PDE4B: variants seen among roughly 807,000 people sequenced by gnomAD.
The protein encoded by PDE4B is phosphodiesterase 4B.
In PDE4B, 20 loss-of-function variants were observed where a neutral mutation model predicts 82.2. The ratio of observed to expected loss-of-function variants is 0.24; its 90% CI spans 0.17 to 0.35. PDE4B has a LOEUF of 0.35. Among genes scored for constraint, PDE4B ranks in the 10% least tolerant of loss-of-function variants. PDE4B has a pLI of 1.00. For missense variants in PDE4B, 655 were observed against 907.2 expected (o/e 0.72, Z 3.57); for synonymous variants, 320 against 318.9 (o/e 1.00, Z -0.04).
chr1:66,088,766 C>G (rs1169617423), intron 3 of PDE4B, among the ~76,000 whole-genome samples: 2 of 152,092 alleles, frequency 1.3e-5, no homozygotes, highest in African/African-American at 4.8e-5. Context: ...TTATATCCCT[C>G]CTCTTCCCCC....
In PDE4B at chr1:66,076,308, T is replaced by C. The variant is rs551176373; in HGVS notation, c.281+157473T>C. Among the ~76,000 whole-genome samples the C allele has an allele frequency of 3.3e-5, 5 of 152,290 alleles. No homozygotes were observed. The East Asian group carries it at 9.6e-4, about 29-fold the overall frequency. Reference sequence around the variant, plus strand: ...GTTTCCATTTCTGCATTAGTTTGCTTAGAAAAATGGCCTCCAGCTGCATCT... The same window carrying C: ...GTTTCCATTTCTGCATTAGTTTGCTCAGAAAAATGGCCTCCAGCTGCATCT... On this transcript the variant is annotated intron_variant, in intron 3 of 16. Transcript: ENST00000341517.
At chr1:66,182,730 A>G (rs1306467395) in intron 3 of PDE4B, among the ~76,000 whole-genome samples, 2 of 152,134 alleles carry the variant, frequency 1.3e-5, no homozygotes, top group Admixed American at 1.3e-4. Context: ...GAGGTTTCAA[A>G]CCAGTCCAGG....
rs781379874 is a variant in PDE4B, at chr1:66,354,885, T to A, written c.748-642T>A. 2.2e-5 allele frequency: 34 copies of A among 1,535,686 alleles called. 1 individual carries two copies. Among genetic ancestry groups the A allele is most frequent in the Middle Eastern group, 3.3e-4 (2 of 5,982 alleles). ...ATTATTTGTTATCTGTATCTTGGGG[T>A]TACATCAAGGTGGGTTAATTTGATT... On this transcript the variant is annotated intron_variant, in intron 8 of 16. Coordinates refer to ENST00000341517, the MANE Select transcript of PDE4B (RefSeq NM_002600.4).
At chr1:65,889,035 T>C (rs993248731) in intron 1 of PDE4B, among the ~76,000 whole-genome samples, 3 of 152,116 alleles carry the variant, frequency 2.0e-5, no homozygotes, top group African/African-American at 7.2e-5. Context: ...GAGAAGACTT[T>C]CAGCTTTCCC....
At chr1:65,806,615 C>A (rs1645758190) in intron 1 of PDE4B, among the ~76,000 whole-genome samples, 1 of 152,160 alleles carries the variant, frequency 6.6e-6, no homozygotes, top group Non-Finnish European at 1.5e-5. Flanking sequence ...ACTTTATGTA[C>A]CATCAGTAGA....
chr1:65,830,095 G>A lies in PDE4B; in HGVS notation c.-71+36847G>A, dbSNP rs554708394. On this transcript the variant is annotated intron_variant, in intron 1 of 16. Transcript: ENST00000341517. The stretch of plus-strand genomic sequence containing the variant: ...TAGTAGTGTCAGAAAATAAATAAGT[G>A]CTCAGAAACAAGTTTACAGAAGCCA... 1.9e-3 allele frequency among the ~76,000 whole-genome samples: 294 copies of A among 152,132 alleles called. 3 individuals carry two copies. In the South Asian group the frequency reaches 0.022, roughly 11 times the overall value.
In PDE4B at chr1:66,372,543, T is replaced by C; in HGVS notation, c.2076T>C (p.Pro692=). 6.2e-7 allele frequency: 1 copy of C among 1,613,994 alleles called. No individual in the cohort carries two copies. The highest frequency in any genetic ancestry group is 2.2e-5 in the East Asian group (1 of 44,886). The change falls in exon 17 of 17, where the codon CCT becomes CCC. Residue 692 remains proline, a synonymous_variant. Coordinates refer to ENST00000341517, the MANE Select transcript of PDE4B (RefSeq NM_002600.4). ...LTLDEEDSEG[P]EKEGEGHSYF... ...TCGATGAGGAAGATTCTGAAGGACC[T>C]GAGAAGGAGGGAGAGGGACACAGCT...
rs1400068104 is a variant in PDE4B, at chr1:66,081,499, A to C, written c.281+162664A>C. On this transcript the variant is annotated intron_variant, in intron 3 of 16. Coordinates refer to ENST00000341517, the MANE Select transcript of PDE4B (RefSeq NM_002600.4). ...GTAATGTTTAAAAAATCTCATTGAA[A>C]TATATATTCTAATAACATCTATCTA... is the stretch of plus-strand genomic sequence containing the variant. Among the ~76,000 whole-genome samples, 5 of 152,270 alleles carry C rather than the reference A, an allele frequency of 3.3e-5. No homozygotes were observed. In the East Asian group the frequency reaches 9.6e-4, roughly 29 times the overall value.
At chr1:65,986,639 A>G (rs1237870723) in intron 3 of PDE4B, among the ~76,000 whole-genome samples, 2 of 152,166 alleles carry the variant, frequency 1.3e-5, no homozygotes, top group African/African-American at 2.4e-5. Context: ...CATTCAATGA[A>G]TATTTGTTTA....
intron 3 of PDE4B, among the ~76,000 whole-genome samples, chr1:66,097,027 C>T (rs1027125537): frequency 6.6e-6 from 1 of 151,766 alleles, no homozygotes; most frequent in African/African-American, 2.4e-5. Flanking sequence ...TGGGTTGTTT[C>T]CAGTTTTTGA....
chr1:65,980,806 C>T (rs961525581), intron 3 of PDE4B, among the ~76,000 whole-genome samples: 2 of 151,932 alleles, frequency 1.3e-5, no homozygotes, highest in African/African-American at 2.4e-5. Context: ...TGAAGGAGTA[C>T]TTTATAGTAT....
intron 3 of PDE4B, among the ~76,000 whole-genome samples, chr1:66,187,145 GCA>G (rs2101446344): frequency 1.3e-5 from 2 of 152,254 alleles, no homozygotes; most frequent in South Asian, 4.1e-4. Context: ...TTATTGATTT[GCA>G]TATGTTGAAC....
At chr1:65,986,943 T>C (rs1028383850) in intron 3 of PDE4B, among the ~76,000 whole-genome samples, 1 of 152,112 alleles carries the variant, frequency 6.6e-6, no homozygotes, top group African/African-American at 2.4e-5. Flanking sequence ...GAACAAACCA[T>C]GCAGATATAC....
rs1423886877 is a variant in PDE4B at position 65,869,502 on chromosome 1, G to C, written c.-70-43743G>C. On this transcript the variant is annotated intron_variant, in intron 1 of 16. Coordinates refer to ENST00000341517, the MANE Select transcript of PDE4B (RefSeq NM_002600.4). ...TGTATTATAGACACAAGGTGTACAAGACTTCACAGACTGTCACAGAAAGAA... is the reference window on the plus strand; with the variant it reads ...TGTATTATAGACACAAGGTGTACAACACTTCACAGACTGTCACAGAAAGAA... 2.0e-5 allele frequency among the ~76,000 whole-genome samples: 3 copies of C among 152,150 alleles called. No individual in the cohort carries two copies. In the East Asian group the frequency reaches 5.8e-4, roughly 29 times the overall value.
intron 12 of PDE4B, among the ~76,000 whole-genome samples, chr1:66,365,106 G>C (rs1199134736): frequency 6.6e-6 from 1 of 152,160 alleles, no homozygotes; most frequent in Non-Finnish European, 1.5e-5. Context: ...TTCTTAGAAA[G>C]GTTCTCAAAT....
intron 8 of PDE4B, among the ~76,000 whole-genome samples, chr1:66,338,335 G>A (rs1660679255): frequency 6.7e-6 from 1 of 150,360 alleles, no homozygotes; most frequent in Non-Finnish European, 1.5e-5. Flanking sequence ...AGGGGATTTT[G>A]GATTGGTTGG....
At chr1:66,159,495 C>A (rs1646567063) in intron 3 of PDE4B, among the ~76,000 whole-genome samples, 2 of 151,988 alleles carry the variant, frequency 1.3e-5, no homozygotes, top group Non-Finnish European at 2.9e-5. Flanking sequence ...CCTGCCTTGG[C>A]CTCCCAAAGT....
chr1:65,886,895 G>A (rs1646784055), intron 1 of PDE4B, among the ~76,000 whole-genome samples: 1 of 152,124 alleles, frequency 6.6e-6, no homozygotes, highest in Non-Finnish European at 1.5e-5. Context: ...ATACCTAGTA[G>A]TGGGATTGCT....
chr1:66,273,237 G>A (rs1000185487), intron 7 of PDE4B, among the ~76,000 whole-genome samples: 2 of 152,162 alleles, frequency 1.3e-5, no homozygotes, highest in African/African-American at 2.4e-5. Context: ...TGGCTGAAGT[G>A]CACTGAATAT....
Sources: allele counts gnomAD v4.1 joint callset (sites outside exome capture counted in the v4.1 genomes callset), GRCh38; gene constraint gnomAD v4.1.1; transcripts MANE v1.5; gene names NCBI Gene and HGNC (gene_info 2026-07-23, HGNC 2026-07-21).